PTOV1: variants seen among roughly 807,000 people sequenced by gnomAD.
The protein encoded by PTOV1 is prostate tumor-overexpressed gene 1 protein.
In PTOV1, 20 loss-of-function variants were observed where a neutral mutation model predicts 58.0. The observed-to-expected ratio is 0.34, with a 90% CI of 0.24 to 0.50. The LOEUF is 0.50. Among genes scored for constraint, PTOV1 ranks in the 20% least tolerant of loss-of-function variants. PTOV1 has a pLI of 0.98. For missense variants in PTOV1, 593 were observed against 565.4 expected, an observed-to-expected ratio of 1.05 and a Z score of -0.50; for synonymous variants, 335 against 234.2, an observed-to-expected ratio of 1.43 and a Z score of -3.93.
At chr19:49,851,205 C>T (rs1298771077) in exon 1 of PTOV1, 2 of 1,201,942 alleles carry the variant, frequency 1.7e-6, no homozygotes, top group Non-Finnish European at 2.1e-6. Context: ...GTCCCCCGAG[C>T]TTGGTACGGC....
At chr19:49,851,530 C>T (rs1218676848) in intron 1 of PTOV1, 31 bp downstream of exon 1, 4 of 1,120,516 alleles carry the variant, frequency 3.6e-6, no homozygotes, top group Non-Finnish European at 2.2e-6. Context: ...CCAGAGCCTT[C>T]CACGGCCCCG....
At chr19:49,859,995 G>C (rs780141901) in exon 11 of PTOV1, 2 of 1,614,128 alleles carry the variant, frequency 1.2e-6, no homozygotes, top group Admixed American at 3.3e-5. Flanking sequence ...GGCCGGCTGC[G>C]TGCACTTTTC....
Position 49,860,009 on chromosome 19 carries a change from C to T in PTOV1, c.1065C>T (p.Tyr355=), listed in dbSNP as rs748074348. ...AGGCCGGCTGCGTGCACTTTTCCTA[C>T]AAAGCATCGTGTGAGATCCGCGTGC... Residue 355 remains tyrosine (Y), a synonymous_variant, in exon 11 of 12, where the codon TAC becomes TAT. Coordinates refer to ENST00000391842, the Ensembl canonical transcript of PTOV1. 4 of 1,614,060 alleles carry T rather than the reference C, an allele frequency of 2.5e-6. No homozygotes were observed. In the African/African-American group the frequency reaches 4.0e-5, roughly 16 times the overall value.
chr19:49,859,945 C>T (rs1242431893), intron 10 of PTOV1, 41 bp from the exon 11 acceptor site: 3 of 1,606,122 alleles, frequency 1.9e-6, no homozygotes, highest in Admixed American at 1.7e-5. Context: ...ATGCTGGTCC[C>T]TGTGGTGCTG....
upstream of PTOV1, chr19:49,850,813 T>C: frequency 6.6e-7 from 1 of 1,522,448 alleles, no homozygotes; most frequent in Non-Finnish European, 8.8e-7. Flanking sequence ...AGGCCCATTA[T>C]TCCGTCCTCC....
Position 49,857,799 on chromosome 19 carries a change from C to G in PTOV1, c.804+17C>G, listed in dbSNP as rs748749087. On this transcript the variant is annotated intron_variant, in intron 7 of 11. Coordinates refer to ENST00000391842, the Ensembl canonical transcript of PTOV1. ...TGGCAGGAGGTGAGCACTCGGCAGCCCAGGGACTTGGGACCCCCAGATCCT... is the reference window on the plus strand; with the variant it reads ...TGGCAGGAGGTGAGCACTCGGCAGCGCAGGGACTTGGGACCCCCAGATCCT... 1.1e-5 allele frequency: 17 copies of G among 1,613,832 alleles called. No homozygotes were observed. The highest frequency in any genetic ancestry group is 1.3e-5 in the Non-Finnish European group (15 of 1,179,816).
intron 6 of PTOV1, 103 bp downstream of exon 6, chr19:49,857,233 C>A: frequency 6.8e-7 from 1 of 1,481,440 alleles, no homozygotes; most frequent in Non-Finnish European, 9.3e-7. Context: ...GATGCGATGG[C>A]TGGAGCAAGG....
chr19:49,851,923 A>T (rs968301305), intron 1 of PTOV1: 1 of 956,382 alleles, frequency 1.0e-6, no homozygotes. Context: ...GCGCCCCCAG[A>T]TGTCGCACCC....
intron 1 of PTOV1, among the ~76,000 whole-genome samples, chr19:49,854,063 A>G (rs1183536504): frequency 6.6e-6 from 1 of 152,208 alleles, no homozygotes; most frequent in Non-Finnish European, 1.5e-5. Flanking sequence ...AAAGCCCCCT[A>G]CAGCTGGCTT....
intron 5 of PTOV1, 40 bp downstream of exon 5, chr19:49,855,117 G>A: frequency 1.3e-6 from 2 of 1,523,800 alleles, no homozygotes; most frequent in East Asian, 2.4e-5. Flanking sequence ...GTGGTGACAA[G>A]TACAGCTGGA....
intron 1 of PTOV1, chr19:49,851,714 G>C: frequency 8.7e-7 from 1 of 1,144,208 alleles, no homozygotes; most frequent in Non-Finnish European, 1.1e-6. Flanking sequence ...GTGGGGGGTT[G>C]GGGGACGGGG....
Position 49,860,223 on chromosome 19 carries a change from A to AC in PTOV1, c.1240-40dup, listed in dbSNP as rs756727938. The AC allele has an allele frequency of 5.5e-5, 89 of 1,612,930 alleles. 1 individual carries two copies. Among genetic ancestry groups the AC allele is most frequent in the Non-Finnish European group, 7.0e-5 (83 of 1,179,600 alleles). The stretch of plus-strand genomic sequence containing the variant: ...CTCCAGGGCTGCTCAGTCTCCCTCC[A>AC]CCCCCGCTGCCTGCTCACCACTGGC... On this transcript the variant is annotated intron_variant, in intron 11 of 11. Transcript: ENST00000391842.
At chr19:49,860,571 G>A (rs2074713787) in exon 12 of PTOV1, 1 of 556,174 alleles carries the variant, frequency 1.8e-6, no homozygotes, top group South Asian at 2.5e-5. Flanking sequence ...GTCAGTGCTT[G>A]GGAGCCTGTG....
intron 5 of PTOV1, chr19:49,856,727 T>C (rs1438003891): frequency 1.4e-5 from 7 of 500,050 alleles, no homozygotes; most frequent in African/African-American, 5.9e-5. Flanking sequence ...GGTAGTGCCT[T>C]CTTGGCATTC....
At chr19:49,858,879 T>G (rs1277552571) in intron 10 of PTOV1, 1 of 516,252 alleles carries the variant, frequency 1.9e-6, no homozygotes, top group African/African-American at 1.9e-5. Context: ...CTCTGCCACA[T>G]CAGGGCTGAC....
intron 5 of PTOV1, chr19:49,856,136 C>G (rs1465089942): frequency 6.6e-6 from 1 of 152,222 alleles, no homozygotes; most frequent in African/African-American, 2.4e-5. Flanking sequence ...CATGAGGTCT[C>G]TTAAGTGACC....
chr19:49,857,442 G>T, intron 6 of PTOV1: 1 of 607,540 alleles, frequency 1.6e-6, no homozygotes, highest in Non-Finnish European at 2.9e-6. Context: ...TCCTGGTCAT[G>T]CCTTGCCAGT....
chr19:49,860,425 G>C (rs1215485534), exon 12 of PTOV1: 8 of 1,272,326 alleles, frequency 6.3e-6, no homozygotes, highest in African/African-American at 1.5e-5. Context: ...CCTTGGCCTT[G>C]GGGAGAGCAG....
exon 12 of PTOV1, chr19:49,860,360 C>G: frequency 6.9e-7 from 1 of 1,457,106 alleles, no homozygotes; most frequent in South Asian, 1.2e-5. Context: ...CTGTCATGTA[C>G]AGGAGGGACC....
Sources: gnomAD v4.1 joint callset for allele counts (sites outside exome capture counted in the v4.1 genomes callset) on GRCh38, gnomAD v4.1.1 for gene constraint, MANE v1.5 for transcripts, NCBI Gene and HGNC (gene_info 2026-07-23, HGNC 2026-07-21) for gene names.